Variants in KCNH6 observed in about 807,000 individuals in gnomAD.
KCNH6 encodes voltage-gated inwardly rectifying potassium channel KCNH6.
KCNH6 carries 81 observed loss-of-function variants against 83.4 expected under a neutral mutation model. The ratio of observed to expected loss-of-function variants is 0.97; its 90% confidence interval spans 0.81 to 1.17. The LOEUF is 1.17. Among genes scored for constraint, KCNH6 ranks in the 50% most tolerant of loss-of-function variants. The pLI, the probability that KCNH6 is intolerant of heterozygous loss-of-function variation, is 0.00. For missense variants in KCNH6, 1,203 were observed against 1,290.5 expected (o/e 0.93, Z 1.04); for synonymous variants, 503 against 545.6 (o/e 0.92, Z 1.09).
Position 63,538,286 on chromosome 17 carries a change from A to G in KCNH6, c.1701+22A>G, listed in dbSNP as rs763914045. 41 of 1,575,254 alleles carry G rather than the reference A, an allele frequency of 2.6e-5. No homozygotes were observed. Among genetic ancestry groups the G allele is most frequent in the Non-Finnish European group, 3.3e-5 (39 of 1,164,714 alleles). ...CGCGGTGAGCCCCGCCGCTCCGGCT[A>G]ATGCCCCGGGCGTGGGGGGGAGCCA... On this transcript the variant is annotated intron_variant, in intron 7 of 12. Transcript: ENST00000314672. The surrounding 1 kb of genome is among the most constrained non-coding windows in gnomAD (Gnocchi z 4.0).
At chr17:63,536,178 C>A in intron 6 of KCNH6, 110 bp downstream of exon 6, 1 of 972,898 alleles carries the variant, frequency 1.0e-6, no homozygotes, top group South Asian at 1.5e-5. Flanking sequence ...ACAATTCATG[C>A]AGTACACTGA....
chr17:63,538,302 G>GA lies in KCNH6; in HGVS notation c.1701+38_1701+39insA. The GA allele has an allele frequency of 1.2e-6, 2 of 1,611,962 alleles. No individual in the cohort carries two copies. The highest frequency in any genetic ancestry group is 1.3e-5 in the African/African-American group (1 of 74,904). On this transcript the variant is annotated intron_variant, in intron 7 of 12. Transcript: ENST00000314672. This position sits in a 1 kb window ranked among gnomAD's most constrained non-coding sequence, Gnocchi z 4.0. ...GCTCCGGCTAATGCCCCGGGCGTGG[G>GA]GGGGAGCCAAGATCCTGCGGGGGCG...
rs772620848 is a variant in KCNH6 at position 63,523,364 on chromosome 17, G to T, written c.-50G>T. On this transcript the variant is annotated 5_prime_UTR_variant, in exon 1 of 13. Coordinates refer to ENST00000314672, the MANE Select transcript of KCNH6 (RefSeq NM_001278919.2). This position sits in a 1 kb window ranked among gnomAD's most constrained non-coding sequence, Gnocchi z 4.2. ...GCTGAGCCCGAGGACAGACGGAGAC[G>T]CCGGGAGCCAGTGGCGCCTGTGGCT... is the stretch of plus-strand genomic sequence containing the variant. 3 of 1,522,934 alleles carry T rather than the reference G, an allele frequency of 2.0e-6. No individual in the cohort carries two copies. The highest frequency in any genetic ancestry group is 1.9e-5 in the Admixed American group (1 of 52,902). 94.3% of individuals were successfully genotyped at this position (1,522,934 alleles called of 1,614,324 possible).
chr17:63,542,137 G>A (rs1375353056), intron 8 of KCNH6, 104 bp from the exon 9 acceptor site: 20 of 1,225,944 alleles, frequency 1.6e-5, no homozygotes, highest in East Asian at 7.3e-5. Flanking sequence ...AGCAGGCCCC[G>A]GCCTAGAAGG....
In KCNH6 at chr17:63,538,121, TCGGGCACCGCGCGCTACCACA is replaced by T. The variant is rs766766354; in HGVS notation, c.1561_1581del (p.Gly521_Thr527del). On this transcript the variant is annotated inframe_deletion, in exon 7 of 13. Coordinates refer to ENST00000314672, the MANE Select transcript of KCNH6 (RefSeq NM_001278919.2). The surrounding 1 kb of genome is among the most constrained non-coding windows in gnomAD (Gnocchi z 4.0). ...GTCCGCGATCATCCAGCGCCTGTACTCGGGCACCGCGCGCTACCACACGCAGATGCTGCGTGTCAAGGAGTT... is the reference window on the plus strand; with the variant it reads ...GTCCGCGATCATCCAGCGCCTGTACTCGCAGATGCTGCGTGTCAAGGAGTT... 6.2e-7 allele frequency: 1 copy of T among 1,614,134 alleles called. No individual in the cohort carries two copies. Among genetic ancestry groups the T allele is most frequent in the African/African-American group, 1.3e-5 (1 of 75,052 alleles).
intron 11 of KCNH6, 115 bp downstream of exon 11, chr17:63,544,526 G>C (rs2033049801): frequency 1.1e-6 from 1 of 871,518 alleles, no homozygotes; most frequent in Admixed American, 3.5e-5. Flanking sequence ...TTTAGCTGCA[G>C]GTCTCCCCAT....
intron 2 of KCNH6, among the ~76,000 whole-genome samples, chr17:63,525,578 G>A (rs2031654614): frequency 1.3e-5 from 2 of 152,136 alleles, no homozygotes; most frequent in African/African-American, 4.8e-5. Flanking sequence ...GCATGTGTGT[G>A]CTTGCATGTG....
chr17:63,529,130 C>T (rs534781913), intron 2 of KCNH6, among the ~76,000 whole-genome samples: 2 of 152,324 alleles, frequency 1.3e-5, no homozygotes, highest in East Asian at 1.9e-4. Flanking sequence ...CCACCACGCC[C>T]GGCCAGGCAT....
intron 8 of KCNH6, among the ~76,000 whole-genome samples, chr17:63,540,121 C>G (rs2032772767): frequency 6.6e-6 from 1 of 152,224 alleles, no homozygotes; most frequent in African/African-American, 2.4e-5. Context: ...GACCTTCCCT[C>G]ACTCCCAGCC....
intron 2 of KCNH6, 88 bp downstream of exon 2, chr17:63,524,457 C>A: frequency 8.7e-7 from 1 of 1,147,074 alleles, no homozygotes; most frequent in Non-Finnish European, 1.3e-6. Flanking sequence ...AGGCACTGAC[C>A]CAGGGTCCAA....
rs767020741 is a variant in KCNH6 at position 63,530,507 on chromosome 17, G to A, written c.640G>A (p.Glu214Lys). 2 of 1,614,172 alleles carry A rather than the reference G, an allele frequency of 1.2e-6. No homozygotes were observed. Among genetic ancestry groups the A allele is most frequent in the Non-Finnish European group, 1.7e-6 (2 of 1,180,044 alleles). The change falls in exon 4 of 13, where the codon GAG (glutamate) becomes AAG (lysine). Residue 214 changes from glutamate (E) to lysine (K), a missense_variant. By Grantham distance (56) the Glu-to-Lys change is moderately conservative (BLOSUM62 1). Transcript: ENST00000314672. ...IEIIAPHKVVERTQNVTEKVT... is the reference protein window; with the variant it reads ...IEIIAPHKVVKRTQNVTEKVT... ...GATCATCGCGCCCCATAAGGTGGTG[G>A]AGCGGACACAGAACGTCACTGAGAA...
Position 63,534,429 on chromosome 17 carries a change from A to G in KCNH6, c.1101+118A>G. The G allele has an allele frequency of 9.6e-7, 1 of 1,040,876 alleles. No individual in the cohort carries two copies. Among genetic ancestry groups the G allele is most frequent in the Non-Finnish European group, 1.4e-6 (1 of 725,654 alleles). The allele number at this position is 1,040,876 out of a possible 1,614,324, so 64.5% of individuals were successfully genotyped here. A position where few individuals can be genotyped will look rare whatever the true frequency, so the allele number is the denominator to read the frequency against. On this transcript the variant is annotated intron_variant, in intron 5 of 12. Transcript: ENST00000314672. The surrounding 1 kb of genome is among the most constrained non-coding windows in gnomAD (Gnocchi z 5.0). The stretch of plus-strand genomic sequence containing the variant: ...ATCTGGCACTGGGCACCTTTGCTGA[A>G]GCACGTGGAGGTGGAGAGGAGGCCC...
chr17:63,535,556 T>G lies in KCNH6; in HGVS notation c.1102-113T>G. On this transcript the variant is annotated intron_variant, in intron 5 of 12. Coordinates refer to ENST00000314672, the MANE Select transcript of KCNH6 (RefSeq NM_001278919.2). This position sits in a 1 kb window ranked among gnomAD's most constrained non-coding sequence, Gnocchi z 4.9. ...TGCGTGGCCCGGAGGAAGTTCTCCA[T>G]AAATGTTTGTTGAATGAGTATGTGG... 9.7e-7 allele frequency: 1 copy of G among 1,029,448 alleles called. No individual in the cohort carries two copies. The highest frequency in any genetic ancestry group is 1.4e-6 in the Non-Finnish European group (1 of 706,052). 63.8% of individuals were successfully genotyped at this position (1,029,448 alleles called of 1,614,324 possible).
intron 4 of KCNH6, among the ~76,000 whole-genome samples, chr17:63,532,660 T>A (rs1426344600): frequency 6.6e-6 from 1 of 152,230 alleles, no homozygotes; most frequent in African/African-American, 2.4e-5. Context: ...TGAAACTAAA[T>A]GGATCTGCCT....
Position 63,544,193 on chromosome 17 carries a change from G to A in KCNH6, c.2234-56G>A. ...GTGGGGGACAGGCTCTATTGAGAAGGGTCAGGCCTGTGGAACCAGCTAGGC... is the reference window on the plus strand; with the variant it reads ...GTGGGGGACAGGCTCTATTGAGAAGAGTCAGGCCTGTGGAACCAGCTAGGC... On this transcript the variant is annotated intron_variant, in intron 10 of 12. Transcript: ENST00000314672. 3.1e-6 allele frequency: 5 copies of A among 1,600,930 alleles called. 1 individual carries two copies. The South Asian group carries it at 4.4e-5, about 14-fold the overall frequency.
At position 63,523,810 on chromosome 17, in the gene KCNH6, C is replaced by T. The variant is rs2031506268; in HGVS notation, c.76+321C>T. ...TCATCCGCGTCCTCCAGAGGCTTCT[C>T]TGAGTCCTTCTTTTCCTTCCTTTTC... is the stretch of plus-strand genomic sequence containing the variant. On this transcript the variant is annotated intron_variant, in intron 1 of 12. Coordinates refer to ENST00000314672, the MANE Select transcript of KCNH6 (RefSeq NM_001278919.2). The surrounding 1 kb of genome is among the most constrained non-coding windows in gnomAD (Gnocchi z 4.2). Among the ~76,000 whole-genome samples the T allele has an allele frequency of 6.6e-6, 1 of 152,204 alleles. No homozygotes were observed. Among genetic ancestry groups the T allele is most frequent in the African/African-American group, 2.4e-5 (1 of 41,534 alleles).
intron 8 of KCNH6, among the ~76,000 whole-genome samples, chr17:63,540,690 C>T (rs929424471): frequency 1.3e-5 from 2 of 152,126 alleles, no homozygotes; most frequent in Admixed American, 6.5e-5. Context: ...TTTGTGAATA[C>T]CCTTTGATCC....
intron 9 of KCNH6, 28 bp downstream of exon 9, chr17:63,542,462 G>GGGTGGAAATGCCCA (rs779616211): frequency 6.2e-7 from 1 of 1,603,492 alleles, no homozygotes; most frequent in South Asian, 1.1e-5. Flanking sequence ...GGGCCAGGGT[G>GGGTGGAAATGCCCA]GGTGGAAATG....
chr17:63,545,894 G>A lies in KCNH6; in HGVS notation c.2869G>A (p.Gly957Ser). 3.1e-6 allele frequency: 5 copies of A among 1,613,686 alleles called. No individual in the cohort carries two copies. Among genetic ancestry groups the A allele is most frequent in the Admixed American group, 1.7e-5 (1 of 59,998 alleles). The change falls in exon 13 of 13, where the codon GGC (glycine) becomes AGC (serine). Residue 957 changes from glycine to serine, a missense_variant. Coordinates refer to ENST00000314672, the MANE Select transcript of KCNH6 (RefSeq NM_001278919.2). ...GSDPGFAGSW[G>S]H is the part of the protein sequence containing the mutation. ...AGATCCTGGATTTGCAGGGAGTTGG[G>A]GCCACTGAACTCCAAGATAAAGACA... is the stretch of plus-strand genomic sequence containing the variant.
Sources: gnomAD v4.1 joint callset for allele counts (sites outside exome capture counted in the v4.1 genomes callset) on GRCh38, gnomAD v4.1.1 for gene constraint, Gnocchi (gnomAD v3.1) non-coding constraint, MANE v1.5 for transcripts, NCBI Gene and HGNC (gene_info 2026-07-23, HGNC 2026-07-21) for gene names.